The following DNAH14 variants were observed in gnomAD, a reference collection of about 807,000 sequenced individuals.
DNAH14 encodes dynein axonemal heavy chain 14.
DNAH14 carries 478 observed loss-of-function variants against 520.9 expected under a neutral mutation model. The observed-to-expected ratio is 0.92, with a 90% CI of 0.85 to 0.99. The LOEUF is 0.99. Among genes scored for constraint, DNAH14 ranks in the 50% least tolerant of loss-of-function variants. The pLI, the probability that DNAH14 is intolerant of heterozygous loss-of-function variation, is 0.00. For missense variants in DNAH14, 4,831 were observed against 5,234.5 expected, an observed-to-expected ratio of 0.92 and a Z score of 2.38; for synonymous variants, 1,581 against 1,757.2, an observed-to-expected ratio of 0.90 and a Z score of 2.51.
chr1:225,364,008 G>A (rs566215111), intron 75 of DNAH14, among the ~76,000 whole-genome samples: 1 of 152,306 alleles, frequency 6.6e-6, no homozygotes, highest in South Asian at 2.1e-4. Context: ...AGGGCTGACT[G>A]TATTTTGTAA....
intron 10 of DNAH14, among the ~76,000 whole-genome samples, chr1:225,022,120 T>G (rs1180296257): frequency 2.6e-5 from 4 of 152,174 alleles, no homozygotes; most frequent in African/African-American, 9.7e-5. Flanking sequence ...ATTAAAGACT[T>G]AAATGTAAGA....
intron 64 of DNAH14, among the ~76,000 whole-genome samples, chr1:225,327,809 A>C (rs569121374): frequency 2.6e-5 from 4 of 152,176 alleles, no homozygotes; most frequent in Admixed American, 6.5e-5. Context: ...AGATCATCAA[A>C]ATGAACAAAC....
chr1:225,136,852 AT>A (rs774753253), intron 27 of DNAH14, among the ~76,000 whole-genome samples: 2 of 152,006 alleles, frequency 1.3e-5, no homozygotes, highest in Non-Finnish European at 2.9e-5. Context: ...TTCATTCCTT[AT>A]CATTCTTTTT....
chr1:225,273,272 A>T (rs1181070007), intron 52 of DNAH14, 147 bp downstream of exon 52: 1 of 896,374 alleles, frequency 1.1e-6, no homozygotes, highest in Admixed American at 3.4e-5. Context: ...TCTACTAAAA[A>T]TACAAAAAAA....
chr1:225,024,277 C>A (rs886256946), intron 11 of DNAH14: 2 of 983,824 alleles, frequency 2.0e-6, no homozygotes, highest in Non-Finnish European at 2.4e-6. Context: ...CTGGAAGGAG[C>A]TACAAAGTCC....
At chr1:225,213,548 G>A (rs577296149) in intron 41 of DNAH14, among the ~76,000 whole-genome samples, 18 of 152,264 alleles carry the variant, frequency 1.2e-4, no homozygotes, top group African/African-American at 4.3e-4. Flanking sequence ...AGCATGAGAT[G>A]TTCTTCCATT....
intron 27 of DNAH14, among the ~76,000 whole-genome samples, chr1:225,139,456 G>A (rs1264207173): frequency 1.3e-5 from 2 of 152,140 alleles, no homozygotes; most frequent in African/African-American, 4.8e-5. Context: ...TTCCATTGAT[G>A]CAGTTTACAA....
chr1:225,281,942 A>T (rs1433546901), intron 54 of DNAH14, among the ~76,000 whole-genome samples: 2 of 152,048 alleles, frequency 1.3e-5, no homozygotes, highest in African/African-American at 4.8e-5. Flanking sequence ...GAAATTTGTT[A>T]AGAGGGTAGA....
intron 60 of DNAH14, among the ~76,000 whole-genome samples, chr1:225,318,026 T>C (rs955188934): frequency 6.6e-6 from 1 of 152,214 alleles, no homozygotes; most frequent in Non-Finnish European, 1.5e-5. Flanking sequence ...GTCAACTTTT[T>C]AGCCAGATCT....
intron 50 of DNAH14, among the ~76,000 whole-genome samples, chr1:225,271,142 T>G (rs1399338517): frequency 1.3e-5 from 2 of 152,210 alleles, no homozygotes; most frequent in African/African-American, 4.8e-5. Flanking sequence ...ATATCTGGCC[T>G]GGCATGTAGG....
chr1:225,037,747 A>G (rs1448470989), intron 11 of DNAH14, among the ~76,000 whole-genome samples: 3 of 152,092 alleles, frequency 2.0e-5, no homozygotes, highest in Non-Finnish European at 2.9e-5. Flanking sequence ...CAATGGTGCA[A>G]TCTTGGCTCA....
chr1:224,982,434 G>A (rs2062342692), intron 8 of DNAH14, among the ~76,000 whole-genome samples: 2 of 152,164 alleles, frequency 1.3e-5, no homozygotes, highest in African/African-American at 4.8e-5. Context: ...CCACGTGTGA[G>A]GAAAAATACA....
chr1:225,101,192 G>A (rs1247021507), intron 23 of DNAH14, among the ~76,000 whole-genome samples: 1 of 151,040 alleles, frequency 6.6e-6, no homozygotes, highest in African/African-American at 2.4e-5. Flanking sequence ...TCTTTCAGGA[G>A]GTTAATACTT....
intron 41 of DNAH14, among the ~76,000 whole-genome samples, chr1:225,220,337 G>A (rs539603281): frequency 6.6e-6 from 1 of 152,278 alleles, no homozygotes; most frequent in South Asian, 2.1e-4. Flanking sequence ...GAAATAAACT[G>A]TATTCAAATA....
At chr1:225,309,644 C>T (rs1392084938) in intron 60 of DNAH14, among the ~76,000 whole-genome samples, 1 of 152,142 alleles carries the variant, frequency 6.6e-6, no homozygotes, top group Non-Finnish European at 1.5e-5. Context: ...CCTGTAATCC[C>T]AGCACTTTGG....
At position 225,381,449 on chromosome 1, in the gene DNAH14, A is replaced by G. The variant is rs1333667687; in HGVS notation, c.12947A>G (p.Lys4316Arg). The change falls in exon 81 of 86, where the codon AAG becomes AGG. Residue 4316 changes from lysine to arginine, a missense_variant. Transcript: ENST00000682510. ...AAGCAAGAAATTAAACGATTTGATA[A>G]GTTATTATTTGTCATACATAAATCC... is the stretch of plus-strand genomic sequence containing the variant. ...FLKQEIKRFD[K>R]LLFVIHKSLK... The G allele has an allele frequency of 2.6e-6, 4 of 1,550,818 alleles. No individual in the cohort carries two copies. Among genetic ancestry groups the G allele is most frequent in the African/African-American group, 1.4e-5 (1 of 73,002 alleles).
chr1:225,025,456 G>T (rs973280691), intron 11 of DNAH14, among the ~76,000 whole-genome samples: 26 of 151,562 alleles, frequency 1.7e-4, no homozygotes, highest in Admixed American at 1.3e-4. Flanking sequence ...ATTTGGCTGG[G>T]CATGGTGGTT....
At chr1:225,249,647 A>G (rs983627195) in intron 43 of DNAH14, among the ~76,000 whole-genome samples, 6 of 152,192 alleles carry the variant, frequency 3.9e-5, no homozygotes, top group African/African-American at 1.4e-4. Flanking sequence ...TATATGTATC[A>G]ATGATTTTTT....
intron 27 of DNAH14, among the ~76,000 whole-genome samples, chr1:225,137,316 TG>T (rs1311610741): frequency 6.6e-6 from 1 of 152,104 alleles, no homozygotes; most frequent in African/African-American, 2.4e-5. Flanking sequence ...GTGGGGTTTT[TG>T]TGGGGTCTTT....
Sources: gnomAD v4.1 joint callset for allele counts (sites outside exome capture counted in the v4.1 genomes callset) on GRCh38, gnomAD v4.1.1 for gene constraint, MANE v1.5 for transcripts, NCBI Gene and HGNC (gene_info 2026-07-23, HGNC 2026-07-21) for gene names.